The following DAPK2 variants were observed in gnomAD, a reference collection of about 807,000 sequenced individuals.
DAPK2 encodes the protein death-associated protein kinase 2.
DAPK2 carries 35 observed loss-of-function variants against 44.1 expected under a neutral mutation model. The observed-to-expected ratio is 0.79, with a 90% CI of 0.61 to 1.05. DAPK2 has a LOEUF of 1.05. Ranked by LOEUF, DAPK2 falls within the 50% of genes least tolerant of loss-of-function variation. The pLI is 0.00. For missense variants in DAPK2, 453 were observed against 483.2 expected, an observed-to-expected ratio of 0.94 and a Z score of 0.59; for synonymous variants, 174 against 182.6, an observed-to-expected ratio of 0.95 and a Z score of 0.38.
intron 1 of DAPK2, among the ~76,000 whole-genome samples, chr15:64,030,458 C>T (rs2079979464): frequency 1.3e-5 from 2 of 152,072 alleles, no homozygotes; most frequent in African/African-American, 4.8e-5. Flanking sequence ...CCTGTGGCTA[C>T]AAGTCTCATG....
chr15:64,043,283 T>C (rs1309664967), upstream of DAPK2, among the ~76,000 whole-genome samples: 1 of 152,240 alleles, frequency 6.6e-6, no homozygotes, highest in African/African-American at 2.4e-5. Flanking sequence ...ATGCAGATGT[T>C]TTCCCAAATG....
At chr15:63,929,551 A>G in exon 6 of DAPK2, 1 of 1,614,162 alleles carries the variant, frequency 6.2e-7, no homozygotes, top group Non-Finnish European at 8.5e-7. Flanking sequence ...GGATACTCAC[A>G]GGATGTAGGT....
chr15:63,964,352 T>C, intron 3 of DAPK2, among the ~76,000 whole-genome samples: 1 of 152,216 alleles, frequency 6.6e-6, no homozygotes, highest in East Asian at 1.9e-4. Context: ...GTTTCTTTTC[T>C]CTTGCTTTTA....
chr15:64,003,959 G>A (rs1393093945), intron 1 of DAPK2, among the ~76,000 whole-genome samples: 1 of 152,078 alleles, frequency 6.6e-6, no homozygotes, highest in Non-Finnish European at 1.5e-5. Flanking sequence ...TATCCATTTG[G>A]TGTTCATATT....
In DAPK2 at chr15:63,962,929, G is replaced by T. The variant is rs1382315062; in HGVS notation, c.453+8494C>A. On this transcript the variant is annotated intron_variant, in intron 3 of 10. Coordinates refer to ENST00000261891, the Ensembl canonical transcript of DAPK2. ...AGAAGTTTCTGCTGCCTTTTATTCAGCTATGCCGTGCCCCCAGAGGTGGAG... is the reference window on the plus strand; with the variant it reads ...AGAAGTTTCTGCTGCCTTTTATTCATCTATGCCGTGCCCCCAGAGGTGGAG... 2.6e-5 allele frequency among the ~76,000 whole-genome samples: 4 copies of T among 152,230 alleles called. No individual in the cohort carries two copies. The East Asian group carries it at 5.8e-4, about 22-fold the overall frequency.
intron 2 of DAPK2, among the ~76,000 whole-genome samples, chr15:63,981,121 T>C (rs1052338947): frequency 6.7e-6 from 1 of 149,742 alleles, no homozygotes; most frequent in Admixed American, 6.7e-5. Context: ...GATTGGGTTA[T>C]GAGGGCTCTG....
intron 1 of DAPK2, among the ~76,000 whole-genome samples, chr15:63,996,188 C>T (rs1289456639): frequency 6.6e-6 from 1 of 152,208 alleles, no homozygotes; most frequent in Non-Finnish European, 1.5e-5. Flanking sequence ...AATGCCAGCA[C>T]TTTGTGAGGC....
intron 3 of DAPK2, among the ~76,000 whole-genome samples, chr15:63,959,119 G>A (rs1300372753): frequency 6.6e-6 from 1 of 152,134 alleles, no homozygotes; most frequent in South Asian, 2.1e-4. Context: ...TGAAGCAATT[G>A]TGAATGGGAG....
chr15:64,027,288 A>T (rs2079875439), intron 1 of DAPK2, among the ~76,000 whole-genome samples: 1 of 152,068 alleles, frequency 6.6e-6, no homozygotes. Flanking sequence ...GGAGGCTGAG[A>T]CGGGAGAATC....
intron 8 of DAPK2, among the ~76,000 whole-genome samples, chr15:63,913,444 A>C (rs1012332126): frequency 2.6e-5 from 4 of 152,186 alleles, no homozygotes; most frequent in African/African-American, 9.7e-5. Flanking sequence ...CGATTCTCAA[A>C]GGCCCCCATG....
intron 2 of DAPK2, among the ~76,000 whole-genome samples, chr15:63,978,853 G>A (rs2078426306): frequency 6.6e-6 from 1 of 152,156 alleles, no homozygotes; most frequent in Non-Finnish European, 1.5e-5. Flanking sequence ...CTGCAAATCT[G>A]ACCTTTGCCT....
chr15:63,942,346 G>A (rs1334948941), intron 3 of DAPK2: 12 of 548,970 alleles, frequency 2.2e-5, no homozygotes, highest in East Asian at 1.5e-4. Flanking sequence ...GAGGTCAGGC[G>A]TTCGAGACCA....
chr15:63,953,915 C>T (rs2077655567), intron 3 of DAPK2, among the ~76,000 whole-genome samples: 1 of 152,154 alleles, frequency 6.6e-6, no homozygotes, highest in African/African-American at 2.4e-5. Context: ...ATTTGTATGT[C>T]TTCTTTTTAG....
At chr15:64,042,364 T>A (rs964175193), upstream of DAPK2, among the ~76,000 whole-genome samples, 5 of 151,756 alleles carry the variant, frequency 3.3e-5, no homozygotes, top group African/African-American at 4.8e-5. The surrounding 1 kb of genome is among the most constrained non-coding windows in gnomAD (Gnocchi z 4.7). Flanking sequence ...AAAAAAAAAA[T>A]TCCTTCCAAA....
intron 3 of DAPK2, among the ~76,000 whole-genome samples, chr15:63,959,096 A>G (rs1313641487): frequency 2.0e-5 from 3 of 152,048 alleles, no homozygotes; most frequent in Non-Finnish European, 4.4e-5. Context: ...ATTCCTAGGC[A>G]TTTTATTCTC....
intron 7 of DAPK2, 134 bp from the exon 9 acceptor site, chr15:63,924,995 T>C (rs941719284): frequency 2.0e-5 from 18 of 910,640 alleles, no homozygotes; most frequent in Admixed American, 4.4e-5. Flanking sequence ...GAATGGAGGA[T>C]GCAGAGATGG....
chr15:63,952,064 A>T (rs1307356636), intron 3 of DAPK2, among the ~76,000 whole-genome samples: 1 of 152,132 alleles, frequency 6.6e-6, no homozygotes, highest in Non-Finnish European at 1.5e-5. Context: ...ACATGGTGAA[A>T]ACCCATCTCT....
chr15:64,046,345 G>GC (rs1480377069), upstream of DAPK2: 1 of 165,082 alleles, frequency 6.1e-6, no homozygotes, highest in Non-Finnish European at 7.3e-6. The surrounding 1 kb of genome is among the most constrained non-coding windows in gnomAD (Gnocchi z 5.3). Context: ...GGCGCGGCGG[G>GC]AGCGGCGGGC....
chr15:63,982,046 G>A (rs1342481439), intron 2 of DAPK2, among the ~76,000 whole-genome samples: 17 of 152,158 alleles, frequency 1.1e-4, no homozygotes, highest in Admixed American at 1.1e-3. Context: ...GGTTAAGGAT[G>A]GCTGCCTGCT....
Sources: allele counts gnomAD v4.1 joint callset (sites outside exome capture counted in the v4.1 genomes callset), GRCh38; gene constraint gnomAD v4.1.1; non-coding constraint Gnocchi (gnomAD v3.1); transcripts MANE v1.5; gene names NCBI Gene and HGNC (gene_info 2026-07-23, HGNC 2026-07-21).